FRAS1: variants seen among roughly 807,000 people sequenced by gnomAD.
FRAS1 encodes the protein extracellular matrix organizing protein FRAS1.
In FRAS1, 290 loss-of-function variants were observed where a neutral mutation model predicts 435.2. The ratio of observed to expected loss-of-function variants is 0.67; its 90% CI spans 0.61 to 0.73. The LOEUF (loss-of-function observed/expected upper bound fraction) is 0.73, where lower values mean the gene tolerates loss of function less well. Ranked by LOEUF, FRAS1 falls within the 30% of genes least tolerant of loss-of-function variation. The probability of loss-of-function intolerance (pLI) is 0.00; values close to 1 mark genes in which losing one functional copy is unlikely to be tolerated. For synonymous variants in FRAS1, 1,800 were observed against 1,851.0 expected (o/e 0.97, Z 0.71); for missense variants, 4,860 against 5,001.5 (o/e 0.97, Z 0.85).
chr4:78,370,807 T>G (rs1406013377), intron 23 of FRAS1, among the ~76,000 whole-genome samples: 1 of 152,212 alleles, frequency 6.6e-6, no homozygotes, highest in East Asian at 1.9e-4. Context: ...GCTTACACAC[T>G]TTGAATGGTA....
At chr4:78,435,779 G>C (rs1314667569) in intron 38 of FRAS1, among the ~76,000 whole-genome samples, 4 of 151,736 alleles carry the variant, frequency 2.6e-5, no homozygotes, top group African/African-American at 9.7e-5. Flanking sequence ...AGCCGGAGCA[G>C]TGGAAATAGG....
At chr4:78,273,556 C>A (rs552972243) in intron 9 of FRAS1, among the ~76,000 whole-genome samples, 4 of 152,162 alleles carry the variant, frequency 2.6e-5, no homozygotes, top group Non-Finnish European at 5.9e-5. Context: ...GCGTTTTCTG[C>A]ATCTATTGAG....
chr4:78,183,432 A>G (rs1722123575), intron 2 of FRAS1, among the ~76,000 whole-genome samples: 1 of 152,176 alleles, frequency 6.6e-6, no homozygotes, highest in African/African-American at 2.4e-5. Context: ...CCCGGAAACC[A>G]CACCACCTAT....
At chr4:78,333,223 G>A in intron 18 of FRAS1, 49 bp from the exon 19 acceptor site, 2 of 1,570,600 alleles carry the variant, frequency 1.3e-6, no homozygotes, top group South Asian at 1.2e-5. Flanking sequence ...TACTGTCTGT[G>A]TCACGTGGGG....
In FRAS1 at chr4:78,267,237, C is replaced by A; in HGVS notation, c.790-4C>A. ...TGCCCCTCACCTTCCTCTCTGTGTCCTAGGGTCAGAGCAGGGCTCGGCGTC... is the reference window on the plus strand; with the variant it reads ...TGCCCCTCACCTTCCTCTCTGTGTCATAGGGTCAGAGCAGGGCTCGGCGTC... On this transcript the variant is annotated splice_region_variant and splice_polypyrimidine_tract_variant and intron_variant, in intron 8 of 73. Transcript: ENST00000512123. 1 of 1,613,156 alleles carries A rather than the reference C, an allele frequency of 6.2e-7. No homozygotes were observed. The highest frequency in any genetic ancestry group is 8.5e-7 in the Non-Finnish European group (1 of 1,179,558).
intron 38 of FRAS1, among the ~76,000 whole-genome samples, chr4:78,436,919 G>A (rs1018883590): frequency 5.3e-5 from 8 of 151,798 alleles, no homozygotes; most frequent in African/African-American, 4.8e-5. Flanking sequence ...TTGAATGATG[G>A]GTTCATTGAT....
At chr4:78,193,727 T>C (rs954643265) in intron 2 of FRAS1, among the ~76,000 whole-genome samples, 4 of 152,230 alleles carry the variant, frequency 2.6e-5, no homozygotes, top group African/African-American at 4.8e-5. Flanking sequence ...CTTTATCCAA[T>C]TTGCCAGTCT....
rs190405647 is a variant in FRAS1, at chr4:78,365,141, T to C, written c.2722+1087T>C. 3.1e-3 allele frequency among the ~76,000 whole-genome samples: 472 copies of C among 152,350 alleles called. 7 individuals are homozygous for C. The highest frequency in any genetic ancestry group is 4.5e-3 in the Non-Finnish European group (304 of 68,030). ...TGAGAGGCAAATAAAGTAGTAAAGATATTTCTATTTTATAGATAGGAAGAT... is the reference window on the plus strand; with the variant it reads ...TGAGAGGCAAATAAAGTAGTAAAGACATTTCTATTTTATAGATAGGAAGAT... On this transcript the variant is annotated intron_variant, in intron 22 of 73. Coordinates refer to ENST00000512123, the MANE Select transcript of FRAS1 (RefSeq NM_025074.7).
chr4:78,496,952 G>A lies in FRAS1; in HGVS notation c.9106G>A (p.Asp3036Asn). 6.2e-7 allele frequency: 1 copy of A among 1,612,508 alleles called. No individual in the cohort carries two copies. Among genetic ancestry groups the A allele is most frequent in the East Asian group, 2.2e-5 (1 of 44,852 alleles). The change falls in exon 60 of 74, where the codon GAT (aspartate) becomes AAT (asparagine). Residue 3036 changes from aspartate to asparagine, a missense_variant. Physicochemically the swap from Asp to Asn is conservative, Grantham distance 23 (BLOSUM62 1). Transcript: ENST00000512123. ...CATGGCCACCATCACCATATCCAAT[G>A]ATGAAGATGGTAACAGAAGAAATTA... ...NNMATITISN[D>N]EDAPTIEFEE... is the part of the protein sequence containing the mutation.
At chr4:78,440,179 C>T (rs375028706) in intron 40 of FRAS1, among the ~76,000 whole-genome samples, 3,912 of 151,210 alleles carry the variant, frequency 0.026, 171 homozygotes, top group African/African-American at 0.09. Flanking sequence ...TACAGGCGCC[C>T]GCCACCGCGC....
At chr4:78,316,884 CA>C (rs1320394980) in intron 16 of FRAS1, among the ~76,000 whole-genome samples, 5 of 152,140 alleles carry the variant, frequency 3.3e-5, no homozygotes, top group Admixed American at 3.3e-4. Context: ...AGAAACTGCT[CA>C]AAATGCCAGT....
chr4:78,283,493 G>A (rs72864564), intron 12 of FRAS1, among the ~76,000 whole-genome samples: 2,818 of 152,278 alleles, frequency 0.019, 53 homozygotes, highest in African/African-American at 0.05. Flanking sequence ...ATCACCTGGG[G>A]TTGAATTAGT....
chr4:78,410,225 T>G (rs1216253575), intron 31 of FRAS1, among the ~76,000 whole-genome samples: 2 of 152,186 alleles, frequency 1.3e-5, no homozygotes, highest in African/African-American at 2.4e-5. Flanking sequence ...TCTAAGTAGC[T>G]GCTCAAAATA....
At chr4:78,274,568 A>G (rs963840079) in intron 9 of FRAS1, among the ~76,000 whole-genome samples, 2 of 152,034 alleles carry the variant, frequency 1.3e-5, no homozygotes, top group South Asian at 4.1e-4. Context: ...TCATTTTGTT[A>G]TGTACCCTGT....
intron 38 of FRAS1, among the ~76,000 whole-genome samples, chr4:78,434,710 A>G (rs1734348464): frequency 6.6e-6 from 1 of 152,148 alleles, no homozygotes; most frequent in African/African-American, 2.4e-5. Context: ...AGATCAACAG[A>G]CAGCAATAGC....
intron 2 of FRAS1, among the ~76,000 whole-genome samples, chr4:78,113,240 G>A (rs1328887150): frequency 6.6e-6 from 1 of 152,084 alleles, no homozygotes; most frequent in Non-Finnish European, 1.5e-5. Context: ...TTGGACATTT[G>A]GGTTAGTTCC....
At chr4:78,423,216 G>A (rs1279498440) in intron 34 of FRAS1, among the ~76,000 whole-genome samples, 2 of 151,324 alleles carry the variant, frequency 1.3e-5, no homozygotes, top group African/African-American at 4.9e-5. Context: ...ACCCAGGCTG[G>A]AGTGCAGTGG....
intron 72 of FRAS1, among the ~76,000 whole-genome samples, chr4:78,538,494 G>C (rs1054637614): frequency 8.5e-5 from 13 of 152,196 alleles, no homozygotes; most frequent in Admixed American, 8.5e-4. Context: ...TGTTGCTAAT[G>C]ACATGCCTGT....
At chr4:78,128,349 A>G (rs1473672433) in intron 2 of FRAS1, among the ~76,000 whole-genome samples, 16 of 152,194 alleles carry the variant, frequency 1.1e-4, no homozygotes, top group Non-Finnish European at 2.4e-4. Flanking sequence ...CAATGGTTGA[A>G]CTAGTTTACA....
Sources: allele counts gnomAD v4.1 joint callset (sites outside exome capture counted in the v4.1 genomes callset), GRCh38; gene constraint gnomAD v4.1.1; transcripts MANE v1.5; gene names NCBI Gene and HGNC (gene_info 2026-07-23, HGNC 2026-07-21).